ELAPOR2: variants seen among roughly 807,000 people sequenced by gnomAD.
ELAPOR2 encodes endosome-lysosome associated apoptosis and autophagy regulator family member 2.
ELAPOR2 carries 89 observed loss-of-function variants against 120.7 expected under a neutral mutation model. The observed-to-expected ratio is 0.74, with a 90% confidence interval of 0.62 to 0.88. The LOEUF (loss-of-function observed/expected upper bound fraction) is 0.88. Ranked by LOEUF, ELAPOR2 falls within the 40% of genes least tolerant of loss-of-function variation. The probability of loss-of-function intolerance (pLI) is 0.00; values close to 1 mark genes in which losing one functional copy is unlikely to be tolerated. For synonymous variants in ELAPOR2, 444 were observed against 444.9 expected (o/e 1.00, Z 0.03); for missense variants, 1,134 against 1,251.6 (o/e 0.91, Z 1.42).
intron 1 of ELAPOR2, among the ~76,000 whole-genome samples, chr7:86,991,519 A>AACAC (rs1007053567): frequency 2.2e-4 from 34 of 152,160 alleles, no homozygotes; most frequent in African/African-American, 8.2e-4. Flanking sequence ...CTACTTTCAA[A>AACAC]ACACACACAC....
chr7:86,961,535 A>C (rs1791708329), intron 2 of ELAPOR2, among the ~76,000 whole-genome samples: 1 of 152,252 alleles, frequency 6.6e-6, no homozygotes, highest in Non-Finnish European at 1.5e-5. Flanking sequence ...GGTTTGAAGC[A>C]AAAGGGCTTT....
rs187415424 is a variant in ELAPOR2, at chr7:86,896,251, A to C, written c.2685+1255T>G. ...TATAAAATAAATCTTGCTCCTTAAA[A>C]CTTTATCTCACTTTTAGGCATATTT... is the stretch of plus-strand genomic sequence containing the variant. On this transcript the variant is annotated intron_variant, in intron 19 of 21. Coordinates refer to ENST00000450689, the MANE Select transcript of ELAPOR2 (RefSeq NM_001142749.3). 6.0e-3 allele frequency among the ~76,000 whole-genome samples: 914 copies of C among 151,950 alleles called. 11 individuals are homozygous for C. The highest frequency in any genetic ancestry group is 0.021 in the African/African-American group (859 of 41,432).
rs187786296 is a variant in ELAPOR2 at position 86,975,179 on chromosome 7, C to T, written c.190-10155G>A. On this transcript the variant is annotated intron_variant, in intron 1 of 21. Transcript: ENST00000450689. Reference sequence around the variant, plus strand: ...ACTCCACATCTGAATTCAGCTAAGCCGCTGGCAGATCTCAGACAGAAAAAA... The same window carrying T: ...ACTCCACATCTGAATTCAGCTAAGCTGCTGGCAGATCTCAGACAGAAAAAA... Among the ~76,000 whole-genome samples the T allele has an allele frequency of 1.2e-4, 19 of 152,220 alleles. No individual in the cohort carries two copies. The East Asian group carries it at 2.7e-3, about 22-fold the overall frequency.
chr7:87,013,264 C>G (rs1389902434), intron 1 of ELAPOR2, among the ~76,000 whole-genome samples: 2 of 152,108 alleles, frequency 1.3e-5, no homozygotes, highest in Admixed American at 6.6e-5. Context: ...GGCAAAAGCT[C>G]TAGCACTATA....
chr7:87,008,461 G>C (rs1793554537), intron 1 of ELAPOR2, among the ~76,000 whole-genome samples: 1 of 152,208 alleles, frequency 6.6e-6, no homozygotes, highest in South Asian at 2.1e-4. Flanking sequence ...AGGGACTACA[G>C]ACAGAAATAT....
At chr7:87,017,898 G>A (rs1053750056) in intron 1 of ELAPOR2, among the ~76,000 whole-genome samples, 1 of 152,220 alleles carries the variant, frequency 6.6e-6, no homozygotes, top group Middle Eastern at 3.4e-3. Flanking sequence ...TCCAGCCTGG[G>A]TGACAGAGTG....
intron 1 of ELAPOR2, among the ~76,000 whole-genome samples, chr7:87,057,342 A>G (rs1218204366): frequency 1.3e-5 from 2 of 152,220 alleles, no homozygotes; most frequent in African/African-American, 4.8e-5. Context: ...GTTAGACCAG[A>G]TATCAAACAG....
At chr7:86,939,974 G>T (rs1790735401) in intron 6 of ELAPOR2, 36 bp downstream of exon 6, 2 of 1,290,134 alleles carry the variant, frequency 1.6e-6, no homozygotes, top group Non-Finnish European at 2.2e-6. Flanking sequence ...TGTAAGATGT[G>T]ACTGGTGACT....
chr7:86,927,480 T>G (rs951904858), intron 8 of ELAPOR2, among the ~76,000 whole-genome samples: 5 of 151,948 alleles, frequency 3.3e-5, no homozygotes, highest in African/African-American at 1.2e-4. Flanking sequence ...AGCTAAAATG[T>G]TTACCCCAGA....
In ELAPOR2 at chr7:86,878,510, G is replaced by A. The variant is rs1217694644; in HGVS notation, c.*1961C>T. ...ACAGGAGAAGAAAGAAGCTACCTGG[G>A]AGAAAATCCCAATTATCTCTATGGC... is the stretch of plus-strand genomic sequence containing the variant. On this transcript the variant is annotated 3_prime_UTR_variant, in exon 22 of 22. Transcript: ENST00000450689. The A allele has an allele frequency of 6.6e-6, 1 of 152,188 alleles. No individual in the cohort carries two copies. The highest frequency in any genetic ancestry group is 2.4e-5 in the African/African-American group (1 of 41,458). 9.4% of individuals were successfully genotyped at this position (152,188 alleles called of 1,614,324 possible). A position where few individuals can be genotyped will look rare whatever the true frequency, so the allele number is the denominator to read the frequency against.
intron 15 of ELAPOR2, 54 bp downstream of exon 15, chr7:86,912,018 A>T: frequency 6.6e-7 from 1 of 1,519,320 alleles, no homozygotes; most frequent in Non-Finnish European, 9.0e-7. Flanking sequence ...AGAAAATATC[A>T]ACTTGATCGG....
chr7:87,007,963 A>AG (rs1793539541), intron 1 of ELAPOR2, among the ~76,000 whole-genome samples: 1 of 152,234 alleles, frequency 6.6e-6, no homozygotes, highest in South Asian at 2.1e-4. Flanking sequence ...AACCCATTAA[A>AG]GGGTTGCCAA....
chr7:86,982,421 C>T (rs1792536614), intron 1 of ELAPOR2, among the ~76,000 whole-genome samples: 1 of 152,182 alleles, frequency 6.6e-6, no homozygotes, highest in South Asian at 2.1e-4. Flanking sequence ...GGCCGACTGA[C>T]ACCTCATATA....
At chr7:87,033,974 T>C (rs900720019) in intron 1 of ELAPOR2, among the ~76,000 whole-genome samples, 3 of 152,116 alleles carry the variant, frequency 2.0e-5, no homozygotes, top group East Asian at 1.9e-4. Context: ...TAAAAACTGG[T>C]TATTCAGGGA....
chr7:87,024,548 G>A (rs1794179406), intron 1 of ELAPOR2, among the ~76,000 whole-genome samples: 1 of 152,066 alleles, frequency 6.6e-6, no homozygotes, highest in Non-Finnish European at 1.5e-5. Context: ...CTCTCTGCCA[G>A]GCTTTGGTAT....
Position 86,904,354 on chromosome 7 carries a change from T to C in ELAPOR2, c.2558+3316A>G, listed in dbSNP as rs533514506. Among the ~76,000 whole-genome samples, 7 of 152,304 alleles carry C rather than the reference T, an allele frequency of 4.6e-5. No homozygotes were observed. In the East Asian group the frequency reaches 9.6e-4, roughly 21 times the overall value. On this transcript the variant is annotated intron_variant, in intron 18 of 21. Coordinates refer to ENST00000450689, the MANE Select transcript of ELAPOR2 (RefSeq NM_001142749.3). Reference sequence around the variant, plus strand: ...TTCCTCTATCTCCCTGAGATAATGATTAGAGGTTTGGGAAGCCTTTTAGGC... The same window carrying C: ...TTCCTCTATCTCCCTGAGATAATGACTAGAGGTTTGGGAAGCCTTTTAGGC...
intron 19 of ELAPOR2, among the ~76,000 whole-genome samples, chr7:86,894,729 A>G (rs1264702554): frequency 6.6e-6 from 1 of 152,102 alleles, no homozygotes; most frequent in Non-Finnish European, 1.5e-5. Flanking sequence ...CTGACACTGC[A>G]GCTGAAAAAT....
chr7:87,040,984 G>A (rs575563794), intron 1 of ELAPOR2, among the ~76,000 whole-genome samples: 5 of 151,436 alleles, frequency 3.3e-5, no homozygotes, highest in Middle Eastern at 3.4e-3. Context: ...CTCAGGAGCC[G>A]ATGCGATCAA....
At chr7:87,011,844 G>A (rs1053523401) in intron 1 of ELAPOR2, among the ~76,000 whole-genome samples, 19 of 152,124 alleles carry the variant, frequency 1.2e-4, no homozygotes, top group South Asian at 6.2e-4. Flanking sequence ...CATAACATCT[G>A]TACCAGCTAT....
Sources: gnomAD v4.1 joint callset for allele counts (sites outside exome capture counted in the v4.1 genomes callset) on GRCh38, gnomAD v4.1.1 for gene constraint, MANE v1.5 for transcripts, NCBI Gene and HGNC (gene_info 2026-07-23, HGNC 2026-07-21) for gene names.